WNK1: variants seen among roughly 807,000 people sequenced by gnomAD.
WNK1 encodes the protein serine/threonine-protein kinase WNK1.
A neutral mutation model predicts 222.8 loss-of-function variants in WNK1; 38 were observed. The ratio of observed to expected loss-of-function variants is 0.17; its 90% CI spans 0.13 to 0.22. The LOEUF is 0.22. WNK1 is among the 10% of genes least tolerant of loss of function. The pLI, the probability that WNK1 is intolerant of heterozygous loss-of-function variation, is 1.00. For synonymous variants in WNK1, 1,090 were observed against 1,092.9 expected (o/e 1.00, Z 0.05); for missense variants, 2,348 against 2,918.4 (o/e 0.80, Z 4.50).
chr12:859,631 T>TGTGTGTGTG lies in WNK1; in HGVS notation c.1620+169_1620+170insGTGTGTGGT, dbSNP rs111327474. On this transcript the variant is annotated intron_variant, in intron 6 of 27. Coordinates refer to ENST00000315939, the MANE Select transcript of WNK1 (RefSeq NM_018979.4). ...GATTAGTGGGATTTTCGTGTGTGTG[T>TGTGTGTGTG]GTTTTTTTTTTTTTTAAACTTCTTT... Among the ~76,000 whole-genome samples the TGTGTGTGTG allele has an allele frequency of 3.0e-4, 24 of 80,976 alleles. No homozygotes were observed. The South Asian group carries it at 6.8e-3, about 23-fold the overall frequency. 53.1% of individuals were successfully genotyped at this position (80,976 alleles called of 152,430 possible). A position where few individuals can be genotyped will look rare whatever the true frequency, so the allele number is the denominator to read the frequency against.
intron 22 of WNK1, among the ~76,000 whole-genome samples, chr12:892,960 G>A (rs1592211719): frequency 1.3e-5 from 2 of 152,264 alleles, no homozygotes; most frequent in East Asian, 3.9e-4. Flanking sequence ...TTCTAAAATA[G>A]CAAGAAATTC....
intron 4 of WNK1, among the ~76,000 whole-genome samples, chr12:849,250 T>A (rs913553376): frequency 6.6e-6 from 1 of 152,164 alleles, no homozygotes; most frequent in African/African-American, 2.4e-5. Context: ...CCAAACAGCT[T>A]CCAAGCCATT....
intron 1 of WNK1, among the ~76,000 whole-genome samples, chr12:801,423 T>TGTG (rs1945855839): frequency 3.5e-5 from 5 of 143,878 alleles, no homozygotes; most frequent in Admixed American, 2.8e-4. Flanking sequence ...CTTTTTTTCT[T>TGTG]TGTGTGTGTG....
At chr12:847,071 TCTGCTGTG>T (rs1565512345) in intron 4 of WNK1, among the ~76,000 whole-genome samples, 1 of 152,200 alleles carries the variant, frequency 6.6e-6, no homozygotes, top group African/African-American at 2.4e-5. Context: ...ATTTCATTAT[TCTGCTGTG>T]ATTTAATTAA....
chr12:780,512 A>G (rs938227981), intron 1 of WNK1, among the ~76,000 whole-genome samples: 1 of 152,204 alleles, frequency 6.6e-6, no homozygotes, highest in Non-Finnish European at 1.5e-5. Flanking sequence ...TGGGAAAAGA[A>G]AAGTGCTATA....
At chr12:835,323 G>GT (rs1297292524) in intron 4 of WNK1, among the ~76,000 whole-genome samples, 1 of 151,970 alleles carries the variant, frequency 6.6e-6, no homozygotes, top group East Asian at 1.9e-4. Flanking sequence ...GGACAATAGA[G>GT]TGAAAGCCTG....
chr12:901,681 T>G, intron 26 of WNK1: 1 of 1,202,690 alleles, frequency 8.3e-7, no homozygotes, highest in Non-Finnish European at 1.1e-6. Flanking sequence ...TCCTTCCTTG[T>G]CCTTGTGTTT....
intron 1 of WNK1, among the ~76,000 whole-genome samples, chr12:765,151 A>G (rs908814744): frequency 6.8e-6 from 1 of 148,148 alleles, no homozygotes; most frequent in African/African-American, 2.4e-5. Context: ...ATTTAAATTT[A>G]AATAAATTAA....
Position 753,423 on chromosome 12 carries a change from C to T in WNK1, c.-143C>T. The T allele has an allele frequency of 1.8e-6, 2 of 1,088,596 alleles. No individual in the cohort carries two copies. The highest frequency in any genetic ancestry group is 2.6e-5 in the East Asian group (1 of 38,042). 67.4% of individuals were successfully genotyped at this position (1,088,596 alleles called of 1,614,324 possible). A position where few individuals can be genotyped will look rare whatever the true frequency, so the allele number is the denominator to read the frequency against. ...CCGCCTGTCCCTCGTTGCGGCTTGT[C>T]GGTGCTGAGTGAGGCGTCGTCCGGG... On this transcript the variant is annotated 5_prime_UTR_variant, in exon 1 of 28. Coordinates refer to ENST00000315939, the MANE Select transcript of WNK1 (RefSeq NM_018979.4). This position sits in a 1 kb window ranked among gnomAD's most constrained non-coding sequence, Gnocchi z 5.2.
At chr12:836,658 G>A (rs1481090104) in intron 4 of WNK1, among the ~76,000 whole-genome samples, 3 of 152,100 alleles carry the variant, frequency 2.0e-5, no homozygotes, top group African/African-American at 7.2e-5. Flanking sequence ...TAAATAGATG[G>A]CAAATTATTC....
chr12:770,789 T>C (rs1942381722), intron 1 of WNK1, among the ~76,000 whole-genome samples: 2 of 152,208 alleles, frequency 1.3e-5, no homozygotes, highest in Middle Eastern at 3.2e-3. Flanking sequence ...TTTAAAATAT[T>C]ATCTTTTGTT....
rs1307505496 is a variant in WNK1 at position 881,945 on chromosome 12, G to A, written c.3244G>A (p.Gly1082Ser). 7.4e-6 allele frequency: 12 copies of A among 1,613,990 alleles called. No individual in the cohort carries two copies. Among genetic ancestry groups the A allele is most frequent in the Non-Finnish European group, 9.3e-6 (11 of 1,180,032 alleles). The change falls in exon 14 of 28, where the codon GGC (glycine) becomes AGC (serine). Residue 1082 changes from glycine (G) to serine (S), a missense_variant. By Grantham distance (56) the Gly-to-Ser change is moderately conservative. This residue lies in a region of WNK1 where 547 missense variants were observed against 558.3 expected (regional missense o/e 0.98). Transcript: ENST00000315939. ...AGATGTTGCTTCAGGTATGAGTGAT[G>A]GCAATGAGAACGTCCCATCTTCCAG... ...HSDVASGMSD[G>S]NENVPSSSGR...
intron 1 of WNK1, among the ~76,000 whole-genome samples, chr12:809,648 C>T (rs1946728554): frequency 6.6e-6 from 1 of 152,088 alleles, no homozygotes; most frequent in Non-Finnish European, 1.5e-5. Flanking sequence ...CAACCTTTCC[C>T]AGGCCTTCAA....
chr12:776,309 C>G (rs765400869), intron 1 of WNK1, among the ~76,000 whole-genome samples: 3 of 152,034 alleles, frequency 2.0e-5, no homozygotes, highest in Non-Finnish European at 4.4e-5. Flanking sequence ...GCTGGGATTA[C>G]AGGTGTGAGA....
chr12:785,626 T>C (rs1322717868), intron 1 of WNK1, among the ~76,000 whole-genome samples: 1 of 152,148 alleles, frequency 6.6e-6, no homozygotes, highest in Non-Finnish European at 1.5e-5. Flanking sequence ...CTGGATCTCC[T>C]GACCTCGTGA....
chr12:813,526 T>A (rs1947089198), intron 1 of WNK1, 116 bp from the exon 2 acceptor site: 1 of 1,086,556 alleles, frequency 9.2e-7, no homozygotes. Context: ...CTTCAGCATT[T>A]GCATTTTTTA....
chr12:782,665 C>T (rs1296342620), intron 1 of WNK1, among the ~76,000 whole-genome samples: 1 of 151,996 alleles, frequency 6.6e-6, no homozygotes, highest in Non-Finnish European at 1.5e-5. Flanking sequence ...CCACCACGCC[C>T]AGCTAATTTT....
chr12:818,250 TA>T (rs1565473404), intron 2 of WNK1, among the ~76,000 whole-genome samples: 1 of 152,200 alleles, frequency 6.6e-6, no homozygotes, highest in Non-Finnish European at 1.5e-5. Context: ...TTTTTACAAT[TA>T]AAAAGAAATT....
At chr12:861,863 C>T (rs543266349) in intron 7 of WNK1, among the ~76,000 whole-genome samples, 4 of 152,154 alleles carry the variant, frequency 2.6e-5, no homozygotes, top group African/African-American at 4.8e-5. Context: ...TTCCCTTACT[C>T]CTCAGGTGGT....
Sources: gnomAD v4.1 joint callset for allele counts (sites outside exome capture counted in the v4.1 genomes callset) on GRCh38, gnomAD v4.1.1 for gene constraint, gnomAD v4.1.1 regional missense constraint, Gnocchi (gnomAD v3.1) non-coding constraint, MANE v1.5 for transcripts, NCBI Gene and HGNC (gene_info 2026-07-23, HGNC 2026-07-21) for gene names.